Variants in CREB5 observed in about 807,000 individuals in gnomAD.
CREB5 encodes the protein cAMP responsive element binding protein 5, also known as cyclic AMP-responsive element-binding protein 5.
Under a neutral mutation model 57.1 loss-of-function variants are expected in CREB5, and 19 were observed. The observed-to-expected ratio is 0.33, with a 90% confidence interval of 0.23 to 0.49. The LOEUF is 0.49. CREB5 is among the 20% of genes least tolerant of loss of function. The pLI, the probability that CREB5 is intolerant of heterozygous loss-of-function variation, is 0.99. For missense variants in CREB5, 579 were observed against 671.6 expected (o/e 0.86, Z 1.52); for synonymous variants, 238 against 238.3 (o/e 1.00, Z 0.01).
intron 7 of CREB5, among the ~76,000 whole-genome samples, chr7:28,736,380 G>A (rs1803980344): frequency 6.6e-6 from 1 of 151,784 alleles, no homozygotes; most frequent in African/African-American, 2.4e-5. Flanking sequence ...TGTTGTTCAG[G>A]CTGGTCTCGA....
At chr7:28,466,117 A>G (rs752632819) in intron 1 of CREB5, among the ~76,000 whole-genome samples, 30 of 150,142 alleles carry the variant, frequency 2.0e-4, no homozygotes, top group South Asian at 6.3e-4. Context: ...GTGTTATGTT[A>G]TAAGTAAGTA....
chr7:28,427,221 A>C (rs1017949429), intron 1 of CREB5, among the ~76,000 whole-genome samples: 1 of 152,214 alleles, frequency 6.6e-6, no homozygotes, highest in African/African-American at 2.4e-5. Flanking sequence ...TAATTTGTAA[A>C]TAGTTTTAAT....
intron 1 of CREB5, among the ~76,000 whole-genome samples, chr7:28,437,829 A>T (rs1168773423): frequency 2.0e-5 from 3 of 152,094 alleles, no homozygotes; most frequent in Non-Finnish European, 4.4e-5. Flanking sequence ...AAGGATTAAC[A>T]TTTTCACTAT....
intron 1 of CREB5, among the ~76,000 whole-genome samples, chr7:28,427,006 G>A (rs1026208774): frequency 3.9e-5 from 6 of 152,068 alleles, no homozygotes; most frequent in African/African-American, 1.4e-4. Context: ...GACCACCCTA[G>A]GAAGATTTTT....
At chr7:28,642,979 C>CAT (rs1798727856) in intron 5 of CREB5, among the ~76,000 whole-genome samples, 45 of 101,278 alleles carry the variant, frequency 4.4e-4, no homozygotes, top group African/African-American at 5.3e-4. Flanking sequence ...CACACACACA[C>CAT]ACACACATAC....
At chr7:28,663,733 T>C (rs1200742885) in intron 5 of CREB5, among the ~76,000 whole-genome samples, 1 of 152,176 alleles carries the variant, frequency 6.6e-6, no homozygotes, top group Non-Finnish European at 1.5e-5. Context: ...TGATCTGTAA[T>C]AGATAGAGAG....
Position 28,823,147 on chromosome 7 carries a change from T to G in CREB5, c.*3868T>G, listed in dbSNP as rs933011790. The stretch of plus-strand genomic sequence containing the variant: ...CCAGCTGCGGTAACAGACAAGCCTT[T>G]GGCTGGGGAGTTTTAAGCCTCGGTA... On this transcript the variant is annotated 3_prime_UTR_variant, in exon 11 of 11. Transcript: ENST00000357727. 1.3e-5 allele frequency: 2 copies of G among 152,622 alleles called. No individual in the cohort carries two copies. The highest frequency in any genetic ancestry group is 2.9e-5 in the Non-Finnish European group (2 of 68,042). The allele number at this position is 152,622 out of a possible 1,614,324, so 9.5% of individuals were successfully genotyped here.
intron 1 of CREB5, among the ~76,000 whole-genome samples, chr7:28,426,228 A>G (rs555192671): frequency 4.7e-4 from 71 of 152,310 alleles, no homozygotes; most frequent in African/African-American, 1.6e-3. Flanking sequence ...ACCCTTTTTT[A>G]TAGCTAAGGA....
rs375823306 is a variant in CREB5, at chr7:28,744,105, GT to G, written c.702+19779del. Among the ~76,000 whole-genome samples, 201 of 131,368 alleles carry G rather than the reference GT, an allele frequency of 1.5e-3. 5 individuals carry two copies. In the East Asian group the frequency reaches 0.039, roughly 26 times the overall value. The allele number at this position is 131,368 out of a possible 152,430, so 86.2% of individuals were successfully genotyped here. A position where few individuals can be genotyped will look rare whatever the true frequency, so the allele number is the denominator to read the frequency against. On this transcript the variant is annotated intron_variant, in intron 7 of 10. Transcript: ENST00000357727. The stretch of plus-strand genomic sequence containing the variant: ...TATGAGTGAGAATATGCGGTGTTTG[GT>G]TTTTTGTTCTTGCGATAGTTTACTG...
intron 1 of CREB5, among the ~76,000 whole-genome samples, chr7:28,377,794 T>C (rs1388653421): frequency 6.7e-6 from 1 of 150,248 alleles, no homozygotes; most frequent in African/African-American, 2.4e-5. Context: ...TAGCTGGGCG[T>C]GGTGGCGGGC....
At chr7:28,492,696 T>C (rs1343036113) in intron 2 of CREB5, among the ~76,000 whole-genome samples, 1 of 149,738 alleles carries the variant, frequency 6.7e-6, no homozygotes, top group East Asian at 1.9e-4. Context: ...TATTACCATG[T>C]TGTGTATTTT....
chr7:28,736,160 T>TTTTG, intron 7 of CREB5, among the ~76,000 whole-genome samples: 1 of 152,008 alleles, frequency 6.6e-6, no homozygotes, highest in East Asian at 1.9e-4. Context: ...CTATATGGTT[T>TTTTG]TTTGTTTGTT....
chr7:28,401,327 A>G (rs113484633), intron 1 of CREB5, among the ~76,000 whole-genome samples: 1,849 of 152,178 alleles, frequency 0.012, 32 homozygotes, highest in African/African-American at 0.042. Context: ...ATTAGCAGCC[A>G]ATGGTCTTCC....
intron 4 of CREB5, among the ~76,000 whole-genome samples, chr7:28,539,111 T>C (rs57460454): frequency 0.038 from 5,714 of 152,344 alleles, 386 homozygotes; most frequent in East Asian, 0.33. Context: ...GCTTAATCTC[T>C]ACATGTCTCA....
At chr7:28,805,069 C>T (rs1024934228) in intron 8 of CREB5, among the ~76,000 whole-genome samples, 2 of 152,098 alleles carry the variant, frequency 1.3e-5, no homozygotes, top group African/African-American at 2.4e-5. Flanking sequence ...GATGCTAGGG[C>T]GTAAGGTGCT....
At chr7:28,517,643 C>T (rs549663956) in intron 4 of CREB5, among the ~76,000 whole-genome samples, 5 of 152,230 alleles carry the variant, frequency 3.3e-5, no homozygotes, top group African/African-American at 9.6e-5. Flanking sequence ...GCTTACAAGC[C>T]GGTTGGGTTG....
chr7:28,573,089 A>G (rs1303593953), intron 5 of CREB5, among the ~76,000 whole-genome samples: 1 of 152,174 alleles, frequency 6.6e-6, no homozygotes, highest in Non-Finnish European at 1.5e-5. Flanking sequence ...TCAGCAAGAA[A>G]TAACCCAACC....
At chr7:28,339,399 G>C (rs77027711) in intron 1 of CREB5, among the ~76,000 whole-genome samples, 3 of 152,282 alleles carry the variant, frequency 2.0e-5, no homozygotes, top group Non-Finnish European at 4.4e-5. Context: ...ATACCAGTTT[G>C]GTGGTCTTGG....
intron 5 of CREB5, among the ~76,000 whole-genome samples, chr7:28,584,531 A>G (rs1380772391): frequency 2.6e-5 from 4 of 152,170 alleles, no homozygotes; most frequent in Admixed American, 2.0e-4. Context: ...AAGGAACGCC[A>G]GGGATTGCCA....
Sources: allele counts gnomAD v4.1 joint callset (sites outside exome capture counted in the v4.1 genomes callset), GRCh38; gene constraint gnomAD v4.1.1; transcripts MANE v1.5; gene names NCBI Gene and HGNC (gene_info 2026-07-23, HGNC 2026-07-21).